MYO9A: variants seen among roughly 807,000 people sequenced by gnomAD.
MYO9A encodes myosin IXA.
A neutral mutation model predicts 293.3 loss-of-function variants in MYO9A; 103 were observed. The ratio of observed to expected loss-of-function variants is 0.35; its 90% CI spans 0.30 to 0.41. The LOEUF (loss-of-function observed/expected upper bound fraction) is 0.41, where lower values mean the gene tolerates loss of function less well. Among genes scored for constraint, MYO9A ranks in the 10% least tolerant of loss-of-function variants. The probability of loss-of-function intolerance (pLI) is 1.00; values close to 1 mark genes in which losing one functional copy is unlikely to be tolerated. For missense variants in MYO9A, 2,685 were observed against 3,033.0 expected (o/e 0.89, Z 2.69); for synonymous variants, 1,001 against 1,035.7 (o/e 0.97, Z 0.64).
At chr15:72,023,465 G>C (rs367790789) in intron 4 of MYO9A, among the ~76,000 whole-genome samples, 1 of 152,030 alleles carries the variant, frequency 6.6e-6, no homozygotes, top group Non-Finnish European at 1.5e-5. Flanking sequence ...GGCAGAGGTG[G>C]GTGGATCACC....
chr15:71,951,111 T>C (rs957261184), intron 15 of MYO9A, among the ~76,000 whole-genome samples: 1 of 152,198 alleles, frequency 6.6e-6, no homozygotes, highest in Non-Finnish European at 1.5e-5. Flanking sequence ...TCTGTTATTA[T>C]TCCTCAAGCC....
At chr15:71,848,769 T>C (rs1008070448) in intron 39 of MYO9A, 76 bp downstream of exon 39, 3 of 1,499,618 alleles carry the variant, frequency 2.0e-6, no homozygotes, top group Non-Finnish European at 2.7e-6. Context: ...TAATAATCCT[T>C]GTATACACCA....
chr15:72,046,292 C>T lies in MYO9A; in HGVS notation c.272G>A (p.Arg91Gln), dbSNP rs758551241. 1.5e-5 allele frequency: 24 copies of T among 1,613,984 alleles called. No homozygotes were observed. The highest frequency in any genetic ancestry group is 1.9e-5 in the Non-Finnish European group (23 of 1,179,960). The change falls in exon 2 of 42, where the codon CGA (arginine) becomes CAA (glutamine). Residue 91 changes from arginine (R) to glutamine (Q), a missense_variant. By Grantham distance (43) the Arg-to-Gln change is conservative. Coordinates refer to ENST00000356056, the MANE Select transcript of MYO9A (RefSeq NM_006901.4). The part of the protein sequence containing the change: ...CPVQRMMLWP[R>Q]MALENRLSGE... ...ACTTAAGCGATTTTCCAGAGCCATT[C>T]GGGGCCACAGCATCATTCGCTGAAC...
At chr15:71,965,456 T>C (rs1239235675) in intron 13 of MYO9A, among the ~76,000 whole-genome samples, 2 of 152,164 alleles carry the variant, frequency 1.3e-5, no homozygotes, top group African/African-American at 4.8e-5. Flanking sequence ...AATCAGTCAT[T>C]AGCTACATAT....
intron 25 of MYO9A, among the ~76,000 whole-genome samples, chr15:71,894,384 G>A (rs1200929161): frequency 1.3e-5 from 2 of 152,050 alleles, no homozygotes; most frequent in Admixed American, 6.6e-5. Context: ...TGAGACCAGC[G>A]TGGTCAACAT....
At chr15:72,034,188 T>G (rs527725744) in intron 2 of MYO9A, among the ~76,000 whole-genome samples, 1 of 152,278 alleles carries the variant, frequency 6.6e-6, no homozygotes, top group African/African-American at 2.4e-5. Context: ...CATCAGCATC[T>G]CCTGAAAATT....
chr15:72,112,414 T>C (rs765184875), intron 1 of MYO9A, among the ~76,000 whole-genome samples: 23 of 152,188 alleles, frequency 1.5e-4, no homozygotes, highest in Non-Finnish European at 2.6e-4. Context: ...GCTTTACATG[T>C]TTACTATACC....
chr15:71,906,405 G>A lies in MYO9A; in HGVS notation c.2686-1399C>T, dbSNP rs72746322. On this transcript the variant is annotated intron_variant, in intron 19 of 41. Coordinates refer to ENST00000356056, the MANE Select transcript of MYO9A (RefSeq NM_006901.4). ...TACCCTGTCAATTACCAAGAGGTAT[G>A]CTGAAGTTTCCAAGCATAACTGCAG... Among the ~76,000 whole-genome samples the A allele has an allele frequency of 7.7e-3, 1,171 of 152,270 alleles. 7 individuals carry two copies. The highest frequency in any genetic ancestry group is 0.011 in the Non-Finnish European group (767 of 68,016).
chr15:72,025,057 A>G (rs1266343563), intron 4 of MYO9A, among the ~76,000 whole-genome samples: 1 of 152,196 alleles, frequency 6.6e-6, no homozygotes. Context: ...AGGAAAATGT[A>G]TGGTCCAACT....
chr15:71,896,232 G>C (rs992062858), intron 25 of MYO9A, among the ~76,000 whole-genome samples: 1 of 152,106 alleles, frequency 6.6e-6, no homozygotes, highest in Non-Finnish European at 1.5e-5. Context: ...AAATTTTAAA[G>C]GGTGGAACAT....
intron 25 of MYO9A, among the ~76,000 whole-genome samples, chr15:71,895,175 C>T (rs2143009875): frequency 6.6e-6 from 1 of 152,304 alleles, no homozygotes; most frequent in Non-Finnish European, 1.5e-5. Flanking sequence ...CCTAGCAATC[C>T]TAGCTTGTTC....
intron 1 of MYO9A, among the ~76,000 whole-genome samples, chr15:72,089,246 T>A (rs914417257): frequency 6.6e-6 from 1 of 152,124 alleles, no homozygotes; most frequent in Admixed American, 6.6e-5. Context: ...CACCACAGCC[T>A]CAACCTCCTG....
intron 1 of MYO9A, among the ~76,000 whole-genome samples, chr15:72,101,910 G>A (rs1201666182): frequency 4.6e-5 from 7 of 152,134 alleles, no homozygotes; most frequent in African/African-American, 1.7e-4. Context: ...CCCGGGAGGT[G>A]AGGGGCGCCT....
At chr15:72,026,275 G>GAAAAA (rs35491673) in intron 4 of MYO9A, among the ~76,000 whole-genome samples, 24 of 63,454 alleles carry the variant, frequency 3.8e-4, no homozygotes, top group South Asian at 7.3e-4. Flanking sequence ...TCCGTCTCAA[G>GAAAAA]AAAAAAAAAA....
At position 72,084,710 on chromosome 15, in the gene MYO9A, C is replaced by T. The variant is rs528231656; in HGVS notation, c.-72+32970G>A. Among the ~76,000 whole-genome samples, 9 of 152,224 alleles carry T rather than the reference C, an allele frequency of 5.9e-5. No homozygotes were observed. In the East Asian group the frequency reaches 1.5e-3, roughly 26 times the overall value. On this transcript the variant is annotated intron_variant, in intron 1 of 41. Transcript: ENST00000356056. ...ATGTTTGAAAAGGATCTTATTTCCCCTTTGCTATGAAGCTTAGTTTGGCTG... is the reference window on the plus strand; with the variant it reads ...ATGTTTGAAAAGGATCTTATTTCCCTTTTGCTATGAAGCTTAGTTTGGCTG...
intron 34 of MYO9A, among the ~76,000 whole-genome samples, chr15:71,856,797 G>T (rs2055882963): frequency 6.6e-6 from 1 of 152,264 alleles, no homozygotes; most frequent in African/African-American, 2.4e-5. Flanking sequence ...AGGCAGAATA[G>T]GACACAATCT....
chr15:72,000,849 A>C (rs1364664368), intron 8 of MYO9A, among the ~76,000 whole-genome samples: 1 of 152,242 alleles, frequency 6.6e-6, no homozygotes, highest in Non-Finnish European at 1.5e-5. Context: ...ATTGCAGCAT[A>C]TAAATATACC....
At chr15:72,025,422 G>A (rs2077634291) in intron 4 of MYO9A, among the ~76,000 whole-genome samples, 4 of 152,188 alleles carry the variant, frequency 2.6e-5, no homozygotes, top group South Asian at 2.1e-4. Flanking sequence ...GTGCAGTGGC[G>A]AGACCTCGGC....
chr15:71,974,536 T>A (rs1369589623), intron 12 of MYO9A, among the ~76,000 whole-genome samples: 4 of 152,202 alleles, frequency 2.6e-5, no homozygotes, highest in Admixed American at 2.0e-4. Flanking sequence ...AAAAACTTTT[T>A]TTCTCTCCGC....
Sources: gnomAD v4.1 joint callset for allele counts (sites outside exome capture counted in the v4.1 genomes callset) on GRCh38, gnomAD v4.1.1 for gene constraint, MANE v1.5 for transcripts, NCBI Gene and HGNC (gene_info 2026-07-23, HGNC 2026-07-21) for gene names.